RGS6: variants seen among roughly 807,000 people sequenced by gnomAD.
RGS6 encodes regulator of G-protein signaling 6.
A neutral mutation model predicts 78.5 loss-of-function variants in RGS6; 30 were observed. The ratio of observed to expected loss-of-function variants is 0.38; its 90% CI spans 0.29 to 0.52. The LOEUF (loss-of-function observed/expected upper bound fraction) is 0.52. Among genes scored for constraint, RGS6 ranks in the 20% least tolerant of loss-of-function variants. The probability of loss-of-function intolerance (pLI) is 0.85; values close to 1 mark genes in which losing one functional copy is unlikely to be tolerated. For missense variants in RGS6, 495 were observed against 609.7 expected, an observed-to-expected ratio of 0.81 and a Z score of 1.98; for synonymous variants, 206 against 206.0, an observed-to-expected ratio of 1.00 and a Z score of 0.00.
At chr14:72,373,872 T>C (rs2084030395) in intron 3 of RGS6, among the ~76,000 whole-genome samples, 1 of 152,160 alleles carries the variant, frequency 6.6e-6, no homozygotes, top group Non-Finnish European at 1.5e-5. Context: ...ATGCAAGTTT[T>C]ATAATACAAA....
the RGS6 span, among the ~76,000 whole-genome samples, chr14:71,894,138 G>A: frequency 6.6e-6 from 1 of 152,086 alleles, no homozygotes; most frequent in East Asian, 1.9e-4. Flanking sequence ...ATTGTCAGAG[G>A]CGTTCAAACC....
intron 2 of RGS6, among the ~76,000 whole-genome samples, chr14:72,097,275 C>T (rs2095428442): frequency 6.6e-6 from 1 of 152,178 alleles, no homozygotes. Flanking sequence ...ATGTGTGTGG[C>T]CATCTCCTCT....
intron 3 of RGS6, among the ~76,000 whole-genome samples, chr14:72,426,077 T>C (rs2094423869): frequency 6.6e-6 from 1 of 152,176 alleles, no homozygotes; most frequent in Non-Finnish European, 1.5e-5. Context: ...GCTGCTTAGA[T>C]GATAATATAA....
chr14:72,013,271 C>CAAAAAAAAAAAAAAAAAAAAA (rs59579709), intron 2 of RGS6, among the ~76,000 whole-genome samples: 1 of 77,052 alleles, frequency 1.3e-5, no homozygotes, highest in Non-Finnish European at 2.3e-5. Flanking sequence ...ACTCCGTCTC[C>CAAAAAAAAAAAAAAAAAAAAA]AAAAAAAAAA....
chr14:72,184,379 C>T lies in RGS6; in HGVS notation c.85-167716C>T, dbSNP rs186392612. On this transcript the variant is annotated intron_variant, in intron 2 of 17. Coordinates refer to ENST00000553525, the MANE Select transcript of RGS6 (RefSeq NM_001204424.2). Reference sequence around the variant, plus strand: ...AGTATTTTACTTTCAAACACACACACACACACACACACACACACACACACA... The same window carrying T: ...AGTATTTTACTTTCAAACACACACATACACACACACACACACACACACACA... Among the ~76,000 whole-genome samples, 197 of 147,626 alleles carry T rather than the reference C, an allele frequency of 1.3e-3. 3 individuals are homozygous for T. The highest frequency in any genetic ancestry group is 2.8e-3 in the Admixed American group (41 of 14,774).
At chr14:71,925,602 A>G in the RGS6 span, among the ~76,000 whole-genome samples, 2 of 151,460 alleles carry the variant, frequency 1.3e-5, no homozygotes, top group Non-Finnish European at 1.5e-5. Flanking sequence ...TAAGGGTCCA[A>G]TTTCATTCTT....
intron 2 of RGS6, among the ~76,000 whole-genome samples, chr14:72,098,478 G>C (rs955377436): frequency 2.0e-5 from 3 of 152,166 alleles, no homozygotes; most frequent in Non-Finnish European, 4.4e-5. Flanking sequence ...GTGTGGACAG[G>C]GGCAGAGTTT....
intron 15 of RGS6, among the ~76,000 whole-genome samples, chr14:72,523,141 A>C (rs1204107708): frequency 2.0e-5 from 3 of 152,176 alleles, no homozygotes; most frequent in African/African-American, 7.2e-5. Flanking sequence ...GCAGCCCATG[A>C]CCAGCCAGGA....
At chr14:72,352,249 A>T (rs1311431895) in intron 3 of RGS6, 55 bp downstream of exon 3, 7 of 1,372,906 alleles carry the variant, frequency 5.1e-6, no homozygotes, top group Non-Finnish European at 7.2e-6. Flanking sequence ...AAGAGTTATA[A>T]GTCTAGATTG....
chr14:71,964,950 C>G, intron 2 of RGS6, 75 bp downstream of exon 2: 5 of 1,078,544 alleles, frequency 4.6e-6, no homozygotes, highest in Non-Finnish European at 6.6e-6. Flanking sequence ...GATAAAAAGA[C>G]AAATGTTTTC....
At chr14:72,232,145 G>A (rs997063545) in intron 2 of RGS6, among the ~76,000 whole-genome samples, 4 of 152,166 alleles carry the variant, frequency 2.6e-5, no homozygotes, top group Admixed American at 6.5e-5. Context: ...ACCATGCCAC[G>A]GGTATGCATT....
intron 12 of RGS6, among the ~76,000 whole-genome samples, chr14:72,491,598 A>AT (rs2096578867): frequency 6.6e-6 from 1 of 152,166 alleles, no homozygotes; most frequent in Non-Finnish European, 1.5e-5. Context: ...TGTATTTGTT[A>AT]TTTTTTATTT....
chr14:71,893,832 G>A, the RGS6 span, among the ~76,000 whole-genome samples: 1 of 152,148 alleles, frequency 6.6e-6, no homozygotes, highest in African/African-American at 2.4e-5. Context: ...GACAATTTGT[G>A]CGCAGTTGGC....
At chr14:72,039,626 T>C (rs549514494) in intron 2 of RGS6, among the ~76,000 whole-genome samples, 1 of 152,280 alleles carries the variant, frequency 6.6e-6, no homozygotes, top group Non-Finnish European at 1.5e-5. Flanking sequence ...AGTGAGGTCT[T>C]GTTTTTTAAT....
Position 72,254,841 on chromosome 14 carries a change from G to A in RGS6, c.85-97254G>A, listed in dbSNP as rs564456442. Among the ~76,000 whole-genome samples the A allele has an allele frequency of 1.2e-4, 19 of 152,298 alleles. No homozygotes were observed. In the South Asian group the frequency reaches 1.7e-3, roughly 13 times the overall value. On this transcript the variant is annotated intron_variant, in intron 2 of 17. Coordinates refer to ENST00000553525, the MANE Select transcript of RGS6 (RefSeq NM_001204424.2). ...GGGGCTCAGGCTCATTAGCACCATA[G>A]CAGTGGCTCATGCTTTCCATACACT...
At chr14:72,069,438 T>G (rs1567141780) in intron 2 of RGS6, among the ~76,000 whole-genome samples, 1 of 152,250 alleles carries the variant, frequency 6.6e-6, no homozygotes, top group East Asian at 1.9e-4. Context: ...TCCTAAACAA[T>G]AGCTCAGAAT....
At chr14:71,992,638 T>C (rs1566976012) in intron 2 of RGS6, among the ~76,000 whole-genome samples, 1 of 152,244 alleles carries the variant, frequency 6.6e-6, no homozygotes, top group South Asian at 2.1e-4. Context: ...GCCATGCTCT[T>C]AACTACTCAT....
the RGS6 span, among the ~76,000 whole-genome samples, chr14:72,595,540 G>A: frequency 3.2e-3 from 481 of 152,312 alleles, 2 homozygotes; most frequent in Non-Finnish European, 5.3e-3. Flanking sequence ...CTATGTTGGT[G>A]CTTAGCAGGT....
At chr14:72,592,067 C>T in the RGS6 span, among the ~76,000 whole-genome samples, 1 of 152,288 alleles carries the variant, frequency 6.6e-6, no homozygotes, top group East Asian at 1.9e-4. Context: ...GATTTTTTAC[C>T]ATTTGACCAC....
Sources: gnomAD v4.1 joint callset for allele counts (sites outside exome capture counted in the v4.1 genomes callset) on GRCh38, gnomAD v4.1.1 for gene constraint, MANE v1.5 for transcripts, NCBI Gene and HGNC (gene_info 2026-07-23, HGNC 2026-07-21) for gene names.